GPC5: variants seen among roughly 807,000 people sequenced by gnomAD.
GPC5 encodes the protein glypican 5, also known as glypican-5.
Under a neutral mutation model 53.9 loss-of-function variants are expected in GPC5, and 47 were observed. That is an observed-to-expected ratio of 0.87 (90% CI 0.69 to 1.11). The LOEUF (loss-of-function observed/expected upper bound fraction) is 1.11. GPC5 is among the 50% of genes most tolerant of loss of function. GPC5 has a pLI of 0.00. For synonymous variants in GPC5, 286 were observed against 263.3 expected (o/e 1.09, Z -0.84); for missense variants, 748 against 713.1 (o/e 1.05, Z -0.56).
At chr13:91,914,038 A>G (rs2039635383) in intron 6 of GPC5, among the ~76,000 whole-genome samples, 2 of 152,192 alleles carry the variant, frequency 1.3e-5, no homozygotes, top group South Asian at 4.1e-4. Context: ...TTGCTCACCT[A>G]GCAAACTTAC....
intron 6 of GPC5, among the ~76,000 whole-genome samples, chr13:92,093,704 C>CA (rs1414498292): frequency 1.3e-5 from 2 of 152,128 alleles, no homozygotes; most frequent in Admixed American, 6.5e-5. Flanking sequence ...AGATGAAACA[C>CA]AAGTTTTTAA....
At chr13:91,864,410 T>A (rs1594626334) in intron 5 of GPC5, among the ~76,000 whole-genome samples, 1 of 152,192 alleles carries the variant, frequency 6.6e-6, no homozygotes, top group Non-Finnish European at 1.5e-5. Context: ...TACAGGAAAA[T>A]AATCATTATT....
intron 7 of GPC5, among the ~76,000 whole-genome samples, chr13:92,759,226 G>C (rs1875057653): frequency 6.6e-6 from 1 of 151,232 alleles, no homozygotes; most frequent in Non-Finnish European, 1.5e-5. Context: ...TGGCTATTCA[G>C]GGTCTTTATG....
chr13:91,897,185 A>T (rs2039450983), intron 5 of GPC5, among the ~76,000 whole-genome samples: 1 of 152,164 alleles, frequency 6.6e-6, no homozygotes, highest in South Asian at 2.1e-4. Flanking sequence ...TTATGCTCAA[A>T]TTCCAATATT....
At chr13:92,315,102 A>T (rs2043170282) in intron 7 of GPC5, among the ~76,000 whole-genome samples, 1 of 152,152 alleles carries the variant, frequency 6.6e-6, no homozygotes, top group South Asian at 2.1e-4. Context: ...AATTGAGAGA[A>T]ATTGTTTTAA....
chr13:92,266,133 TC>T (rs1205814802), intron 7 of GPC5, among the ~76,000 whole-genome samples: 22 of 152,304 alleles, frequency 1.4e-4, no homozygotes, highest in African/African-American at 4.6e-4. Context: ...GGATTAAGTT[TC>T]CAGTGCATAT....
intron 7 of GPC5, among the ~76,000 whole-genome samples, chr13:92,497,830 A>G (rs1040624084): frequency 2.6e-5 from 4 of 151,928 alleles, no homozygotes; most frequent in Admixed American, 2.0e-4. Flanking sequence ...GCTGTATGTT[A>G]GGTATTTTAC....
At chr13:91,501,010 G>A (rs534634043) in intron 2 of GPC5, among the ~76,000 whole-genome samples, 27 of 152,024 alleles carry the variant, frequency 1.8e-4, no homozygotes, top group Non-Finnish European at 3.5e-4. Context: ...TGATTGGGAG[G>A]CCTCCCCAGC....
chr13:91,563,382 A>G (rs1347917219), intron 2 of GPC5, among the ~76,000 whole-genome samples: 1 of 152,182 alleles, frequency 6.6e-6, no homozygotes, highest in East Asian at 1.9e-4. Context: ...AATTAAAAAA[A>G]ATTCTGAATC....
At position 91,895,520 on chromosome 13, in the gene GPC5, C is replaced by A. The variant is rs139414636; in HGVS notation, c.1281-12417C>A. ...AAGGCTACAAAGACCTTTTTGCAAG[C>A]TTGTAGTTTTTGTAGTCATTTCTGA... is the stretch of plus-strand genomic sequence containing the variant. On this transcript the variant is annotated intron_variant, in intron 5 of 7. Coordinates refer to ENST00000377067, the MANE Select transcript of GPC5 (RefSeq NM_004466.6). 5.6e-3 allele frequency among the ~76,000 whole-genome samples: 857 copies of A among 152,134 alleles called. 13 individuals carry two copies. The highest frequency in any genetic ancestry group is 0.02 in the African/African-American group (818 of 41,524).
chr13:92,334,785 A>G (rs990282226), intron 7 of GPC5, among the ~76,000 whole-genome samples: 1 of 152,204 alleles, frequency 6.6e-6, no homozygotes, highest in Admixed American at 6.5e-5. Flanking sequence ...TAGGGCAGTC[A>G]TTAAACCTTA....
At chr13:92,653,301 G>A (rs1886017503) in intron 7 of GPC5, among the ~76,000 whole-genome samples, 1 of 152,098 alleles carries the variant, frequency 6.6e-6, no homozygotes, top group Admixed American at 6.6e-5. Context: ...TGGAAGGGAT[G>A]CATTCGTTTC....
At chr13:91,618,660 T>G (rs918651177) in intron 2 of GPC5, among the ~76,000 whole-genome samples, 2 of 152,016 alleles carry the variant, frequency 1.3e-5, no homozygotes, top group Non-Finnish European at 2.9e-5. Context: ...ACATATTTTT[T>G]TTTTTATCAG....
intron 7 of GPC5, among the ~76,000 whole-genome samples, chr13:92,695,934 T>G (rs1376379746): frequency 6.6e-6 from 1 of 151,998 alleles, no homozygotes; most frequent in Admixed American, 6.6e-5. Context: ...TACCTATGAG[T>G]GAGAACATGC....
chr13:92,832,253 G>A (rs1421048577), intron 7 of GPC5, among the ~76,000 whole-genome samples: 1 of 151,912 alleles, frequency 6.6e-6, no homozygotes, highest in African/African-American at 2.4e-5. Context: ...CAAAGAAACT[G>A]TGAGTTTTCA....
rs146040509 is a variant in GPC5 at position 92,357,110 on chromosome 13, T to C, written c.1561+212121T>C. Among the ~76,000 whole-genome samples, 9 of 151,780 alleles carry C rather than the reference T, an allele frequency of 5.9e-5. 1 individual carries two copies. Among genetic ancestry groups the C allele is most frequent in the African/African-American group, 2.2e-4 (9 of 41,042 alleles). On this transcript the variant is annotated intron_variant, in intron 7 of 7. Transcript: ENST00000377067. ...TATGTACCACAATTTCTTTATCCAA[T>C]GTATCATTGATGGGCATTTGGATTG...
At chr13:92,571,399 G>A (rs529449953) in intron 7 of GPC5, among the ~76,000 whole-genome samples, 56 of 152,102 alleles carry the variant, frequency 3.7e-4, no homozygotes, top group East Asian at 9.7e-4. Context: ...CAGGCCATGC[G>A]CCATGGTGTA....
At chr13:92,607,507 A>C (rs1253368341) in intron 7 of GPC5, among the ~76,000 whole-genome samples, 1 of 152,194 alleles carries the variant, frequency 6.6e-6, no homozygotes, top group Non-Finnish European at 1.5e-5. Flanking sequence ...AAATAAGAAC[A>C]GACTTTTTTT....
At chr13:91,652,417 G>A (rs531972895) in intron 2 of GPC5, among the ~76,000 whole-genome samples, 2 of 152,080 alleles carry the variant, frequency 1.3e-5, no homozygotes, top group African/African-American at 4.8e-5. Context: ...GTACTTTATG[G>A]CTTCTCTTGG....
Sources: gnomAD v4.1 joint callset for allele counts (sites outside exome capture counted in the v4.1 genomes callset) on GRCh38, gnomAD v4.1.1 for gene constraint, MANE v1.5 for transcripts, NCBI Gene and HGNC (gene_info 2026-07-23, HGNC 2026-07-21) for gene names.